The following CSMD1 variants were observed in gnomAD, a reference collection of about 807,000 sequenced individuals.
CSMD1 encodes CUB and sushi domain-containing protein 1.
In CSMD1, 213 loss-of-function variants were observed where a neutral mutation model predicts 417.5. That is an observed-to-expected ratio of 0.51 (90% CI 0.46 to 0.57). CSMD1 has a LOEUF of 0.57. Ranked by LOEUF, CSMD1 falls within the 20% of genes least tolerant of loss-of-function variation. The pLI is 0.00. For missense variants in CSMD1, 6,923 were observed against 4,529.7 expected (o/e 1.53, Z -15.17); for synonymous variants, 2,862 against 1,736.8 (o/e 1.65, Z -16.11).
chr8:4,255,229 A>G (rs1348379973), intron 3 of CSMD1, among the ~76,000 whole-genome samples: 1 of 152,148 alleles, frequency 6.6e-6, no homozygotes, highest in Non-Finnish European at 1.5e-5. Context: ...TGCAGTCCCT[A>G]TGGATTTGAC....
intron 2 of CSMD1, among the ~76,000 whole-genome samples, chr8:4,468,329 C>A (rs567855988): frequency 6.6e-6 from 1 of 152,028 alleles, no homozygotes; most frequent in South Asian, 2.1e-4. Flanking sequence ...GGCGATAGGC[C>A]TTTTTAAAGG....
chr8:4,566,462 G>A lies in CSMD1; in HGVS notation c.302+70880C>T, dbSNP rs989618252. Among the ~76,000 whole-genome samples, 6 of 151,112 alleles carry A rather than the reference G, an allele frequency of 4.0e-5. No homozygotes were observed. The East Asian group carries it at 5.9e-4, about 15-fold the overall frequency. On this transcript the variant is annotated intron_variant, in intron 2 of 69. Coordinates refer to ENST00000635120, the MANE Select transcript of CSMD1 (RefSeq NM_033225.6). ...AGGTCAAGAGAACGAGACCATCCTG[G>A]CTAACAAGGTGAAACCCCGTCTCTA...
chr8:3,229,860 T>G (rs1798731071), intron 27 of CSMD1, among the ~76,000 whole-genome samples, 180 bp downstream of exon 27: 2 of 152,222 alleles, frequency 1.3e-5, no homozygotes, highest in South Asian at 4.1e-4. Flanking sequence ...TCCTTTATTC[T>G]ACCTCATAAA....
intron 25 of CSMD1, among the ~76,000 whole-genome samples, chr8:3,304,508 A>ATTAAG (rs1156390545): frequency 6.6e-6 from 1 of 152,140 alleles, no homozygotes; most frequent in Non-Finnish European, 1.5e-5. Context: ...ACATTTTGGG[A>ATTAAG]TTAAGTTGAT....
intron 7 of CSMD1, among the ~76,000 whole-genome samples, chr8:3,697,175 A>G (rs555333539): frequency 1.6e-4 from 25 of 152,318 alleles, no homozygotes; most frequent in African/African-American, 5.3e-4. Flanking sequence ...CTTTTCATTC[A>G]GTGAGGCTAA....
chr8:4,025,972 T>C lies in CSMD1; in HGVS notation c.610+5933A>G, dbSNP rs541239901. Among the ~76,000 whole-genome samples, 26 of 151,872 alleles carry C rather than the reference T, an allele frequency of 1.7e-4. No individual in the cohort carries two copies. In the South Asian group the frequency reaches 3.1e-3, roughly 18 times the overall value. On this transcript the variant is annotated intron_variant, in intron 4 of 69. Coordinates refer to ENST00000635120, the MANE Select transcript of CSMD1 (RefSeq NM_033225.6). ...CTTTTATAACCCTGGCAAAAGATCA[T>C]TGTAGAAGGAGACAGTCATGCTACT...
At chr8:3,164,284 G>C (rs139444676) in intron 37 of CSMD1, among the ~76,000 whole-genome samples, 1 of 152,154 alleles carries the variant, frequency 6.6e-6, no homozygotes, top group Admixed American at 6.5e-5. Context: ...GGAGTGCCAC[G>C]AACTTTTTCT....
intron 7 of CSMD1, among the ~76,000 whole-genome samples, chr8:3,646,763 G>A (rs928918879): frequency 2.0e-5 from 3 of 152,078 alleles, no homozygotes; most frequent in East Asian, 1.9e-4. Flanking sequence ...CGTTTTCATG[G>A]ATAACCACCA....
chr8:4,324,061 C>T (rs1253558999), intron 3 of CSMD1, among the ~76,000 whole-genome samples: 6 of 152,128 alleles, frequency 3.9e-5, no homozygotes, highest in African/African-American at 9.7e-5. Context: ...CAAATTTACC[C>T]GAGGCCAAGC....
intron 37 of CSMD1, 77 bp downstream of exon 37, chr8:3,181,033 G>A (rs1272836290): frequency 1.2e-6 from 1 of 858,192 alleles, no homozygotes; most frequent in Non-Finnish European, 1.9e-6. Flanking sequence ...TGTTTAATAA[G>A]AGCATGATTT....
intron 2 of CSMD1, among the ~76,000 whole-genome samples, chr8:4,489,067 CA>C (rs1801566965): frequency 6.6e-6 from 1 of 152,134 alleles, no homozygotes; most frequent in South Asian, 2.1e-4. Context: ...CGTGCCACCA[CA>C]CACAGCTAAT....
intron 1 of CSMD1, among the ~76,000 whole-genome samples, chr8:4,939,695 G>C (rs956535341): frequency 6.6e-6 from 1 of 152,184 alleles, no homozygotes; most frequent in Non-Finnish European, 1.5e-5. Flanking sequence ...ATTAAAATCA[G>C]AGGACAAGGA....
At position 4,295,766 on chromosome 8, in the gene CSMD1, A is replaced by G. The variant is rs914192888; in HGVS notation, c.415+124187T>C. 3.3e-3 allele frequency among the ~76,000 whole-genome samples: 113 copies of G among 34,278 alleles called. 1 individual carries two copies. Among genetic ancestry groups the G allele is most frequent in the African/African-American group, 7.0e-3 (108 of 15,388 alleles). 22.5% of individuals were successfully genotyped at this position (34,278 alleles called of 152,430 possible). On this transcript the variant is annotated intron_variant, in intron 3 of 69. Transcript: ENST00000635120. ...TGTGTGTGTGTATATATATATATAT[A>G]TATATATATATATATATATATACAC... is the stretch of plus-strand genomic sequence containing the variant.
At chr8:4,301,758 T>G (rs1451695026) in intron 3 of CSMD1, among the ~76,000 whole-genome samples, 1 of 152,206 alleles carries the variant, frequency 6.6e-6, no homozygotes, top group Non-Finnish European at 1.5e-5. Context: ...ATGTCCTGCC[T>G]CCTTAAACCT....
At chr8:4,756,133 T>C (rs974204335) in intron 1 of CSMD1, among the ~76,000 whole-genome samples, 4 of 152,312 alleles carry the variant, frequency 2.6e-5, no homozygotes, top group Admixed American at 2.6e-4. Flanking sequence ...AGTAAGCATA[T>C]TCTGTATCAA....
intron 3 of CSMD1, among the ~76,000 whole-genome samples, chr8:4,230,202 G>C (rs1384612318): frequency 6.6e-6 from 1 of 152,040 alleles, no homozygotes; most frequent in East Asian, 1.9e-4. Flanking sequence ...TTAAGATCTA[G>C]AGTTTCCCTC....
intron 1 of CSMD1, among the ~76,000 whole-genome samples, chr8:4,657,589 T>G (rs1426568389): frequency 6.6e-6 from 1 of 151,624 alleles, no homozygotes; most frequent in African/African-American, 2.4e-5. Flanking sequence ...ACTACAGCAA[T>G]AAAACAATTC....
At chr8:4,056,913 A>G (rs1250868912) in intron 3 of CSMD1, among the ~76,000 whole-genome samples, 2 of 152,168 alleles carry the variant, frequency 1.3e-5, no homozygotes, top group Admixed American at 1.3e-4. Flanking sequence ...TATGTGCCAC[A>G]CTTTCTTAAT....
At chr8:4,061,787 A>G (rs1220405945) in intron 3 of CSMD1, among the ~76,000 whole-genome samples, 6 of 152,206 alleles carry the variant, frequency 3.9e-5, no homozygotes, top group Non-Finnish European at 8.8e-5. Flanking sequence ...GGAGTTCTCC[A>G]TTTGCAGTTG....
Sources: allele counts gnomAD v4.1 joint callset (sites outside exome capture counted in the v4.1 genomes callset), GRCh38; gene constraint gnomAD v4.1.1; transcripts MANE v1.5; gene names NCBI Gene and HGNC (gene_info 2026-07-23, HGNC 2026-07-21).